The following FAM241A variants were observed in gnomAD, a reference collection of about 807,000 sequenced individuals.
The protein encoded by FAM241A is uncharacterized protein FAM241A.
FAM241A carries 7 observed loss-of-function variants against 12.2 expected under a neutral mutation model. The observed-to-expected ratio is 0.58, with a 90% CI of 0.33 to 1.08. The LOEUF is 1.08. Among genes scored for constraint, FAM241A ranks in the 50% least tolerant of loss-of-function variants. FAM241A has a pLI of 0.04. For missense variants in FAM241A, 161 were observed against 169.7 expected (o/e 0.95, Z 0.29); for synonymous variants, 74 against 68.2 (o/e 1.08, Z -0.42).
At chr4:112,158,972 C>G (rs1293762638) in intron 1 of FAM241A, among the ~76,000 whole-genome samples, 1 of 152,124 alleles carries the variant, frequency 6.6e-6, no homozygotes, top group African/African-American at 2.4e-5. Context: ...CTTTTCCCCC[C>G]ATACATACAT....
At position 112,194,396 on chromosome 4, in the gene FAM241A, G is replaced by A. The variant is rs1321562458; in HGVS notation, c.*7458G>A. 5 of 151,550 alleles carry A rather than the reference G, an allele frequency of 3.3e-5. No individual in the cohort carries two copies. The highest frequency in any genetic ancestry group is 2.1e-4 in the South Asian group (1 of 4,784). The allele number at this position is 151,550 out of a possible 1,614,324, so 9.4% of individuals were successfully genotyped here. A position where few individuals can be genotyped will look rare whatever the true frequency, so the allele number is the denominator to read the frequency against. ...ACTTCCAACACTATGTTGAATAGGA[G>A]TGGTGAGAGAGGGCATCCCTGTCTT... On this transcript the variant is annotated 3_prime_UTR_variant, in exon 2 of 2. Coordinates refer to ENST00000309733, the MANE Select transcript of FAM241A (RefSeq NM_152400.3).
chr4:112,147,486 A>G (rs1273125527), intron 1 of FAM241A, among the ~76,000 whole-genome samples: 1 of 152,220 alleles, frequency 6.6e-6, no homozygotes, highest in African/African-American at 2.4e-5. Flanking sequence ...GTAAAAAGCA[A>G]GCTTTTCTGA....
chr4:112,165,557 G>A (rs1454541464), intron 1 of FAM241A, among the ~76,000 whole-genome samples: 2 of 152,160 alleles, frequency 1.3e-5, no homozygotes, highest in Non-Finnish European at 2.9e-5. Context: ...TATACCCAAG[G>A]GAGTACTATT....
rs1403370573 is a variant in FAM241A at position 112,194,540 on chromosome 4, TGA to T, written c.*7606_*7607del. On this transcript the variant is annotated 3_prime_UTR_variant, in exon 2 of 2. Coordinates refer to ENST00000309733, the MANE Select transcript of FAM241A (RefSeq NM_152400.3). ...TACGTCCCATCAATACCTGATTTAT[TGA>T]GAGTTTTTAGCATGAAGCGTTGTTG... 6.6e-6 allele frequency: 1 copy of T among 152,066 alleles called. No homozygotes were observed. The highest frequency in any genetic ancestry group is 1.5e-5 in the Non-Finnish European group (1 of 68,030). The allele number at this position is 152,066 out of a possible 1,614,324, so 9.4% of individuals were successfully genotyped here. A position where few individuals can be genotyped will look rare whatever the true frequency, so the allele number is the denominator to read the frequency against.
chr4:112,145,853 T>C, intron 1 of FAM241A, 120 bp downstream of exon 1: 1 of 534,736 alleles, frequency 1.9e-6, no homozygotes. Flanking sequence ...GCGTGGGCAC[T>C]GGCTCCCCGG....
intron 1 of FAM241A, among the ~76,000 whole-genome samples, chr4:112,181,781 G>A (rs2110434493): frequency 6.6e-6 from 1 of 152,304 alleles, no homozygotes. Context: ...AAGACAGGAA[G>A]GCTGATGACA....
intron 1 of FAM241A, among the ~76,000 whole-genome samples, chr4:112,168,009 C>G (rs1473960801): frequency 6.6e-6 from 1 of 152,204 alleles, no homozygotes; most frequent in African/African-American, 2.4e-5. Flanking sequence ...AAGTAGGGCA[C>G]AGCACATCTT....
At position 112,194,456 on chromosome 4, in the gene FAM241A, G is replaced by A. The variant is rs1182870584; in HGVS notation, c.*7518G>A. On this transcript the variant is annotated 3_prime_UTR_variant, in exon 2 of 2. Coordinates refer to ENST00000309733, the MANE Select transcript of FAM241A (RefSeq NM_152400.3). Reference sequence around the variant, plus strand: ...TTCAAAGGGAATGCTTCCAGTTTTTGCCCATTCAGTATGATATTGGCTGTG... The same window carrying A: ...TTCAAAGGGAATGCTTCCAGTTTTTACCCATTCAGTATGATATTGGCTGTG... The A allele has an allele frequency of 8.0e-5, 12 of 150,922 alleles. No homozygotes were observed. The highest frequency in any genetic ancestry group is 2.9e-4 in the African/African-American group (12 of 41,274). The allele number at this position is 150,922 out of a possible 1,614,324, so 9.3% of individuals were successfully genotyped here. A position where few individuals can be genotyped will look rare whatever the true frequency, so the allele number is the denominator to read the frequency against.
chr4:112,150,398 A>T (rs955166362), intron 1 of FAM241A, among the ~76,000 whole-genome samples: 1 of 152,190 alleles, frequency 6.6e-6, no homozygotes, highest in Non-Finnish European at 1.5e-5. Context: ...AATAAATACT[A>T]GTAGCTCTTA....
intron 1 of FAM241A, among the ~76,000 whole-genome samples, chr4:112,174,710 G>GT (rs1723785786): frequency 6.6e-6 from 1 of 152,204 alleles, no homozygotes; most frequent in Non-Finnish European, 1.5e-5. Context: ...CAGGGCTCAT[G>GT]TGCTAGGCTG....
At chr4:112,162,510 C>T (rs1223144344) in intron 1 of FAM241A, among the ~76,000 whole-genome samples, 1 of 152,144 alleles carries the variant, frequency 6.6e-6, no homozygotes, top group East Asian at 1.9e-4. Flanking sequence ...TTCCTCCACA[C>T]CAATAACAGA....
chr4:112,173,609 CT>C (rs1199382128), intron 1 of FAM241A, among the ~76,000 whole-genome samples: 2 of 152,056 alleles, frequency 1.3e-5, no homozygotes, highest in Admixed American at 6.6e-5. Context: ...TATTTAAAGC[CT>C]TTTTTTAATG....
chr4:112,154,826 A>G (rs1391001897), intron 1 of FAM241A, among the ~76,000 whole-genome samples: 1 of 152,006 alleles, frequency 6.6e-6, no homozygotes, highest in Non-Finnish European at 1.5e-5. Context: ...TGAGGCCAGG[A>G]GTTCGAGACC....
chr4:112,182,879 T>A (rs1278853109), intron 1 of FAM241A, among the ~76,000 whole-genome samples: 2 of 152,196 alleles, frequency 1.3e-5, no homozygotes, highest in Non-Finnish European at 2.9e-5. Context: ...GAGGATATCC[T>A]AGATACATAA....
chr4:112,161,130 C>T (rs1191339360), intron 1 of FAM241A, among the ~76,000 whole-genome samples: 1 of 152,122 alleles, frequency 6.6e-6, no homozygotes, highest in Non-Finnish European at 1.5e-5. Flanking sequence ...AAAGAAACAA[C>T]ATAACAGAAT....
rs1355522245 is a variant in FAM241A, at chr4:112,193,637, T to C, written c.*6699T>C. ...CCCCATTGCTTGTTTTTCTCAGGTT[T>C]GTCAAAGATCAGATAGCTGTAGACA... On this transcript the variant is annotated 3_prime_UTR_variant, in exon 2 of 2. Transcript: ENST00000309733. 6.6e-6 allele frequency: 1 copy of C among 152,270 alleles called. No homozygotes were observed. The highest frequency in any genetic ancestry group is 1.5e-5 in the Non-Finnish European group (1 of 68,058). 9.4% of individuals were successfully genotyped at this position (152,270 alleles called of 1,614,324 possible).
intron 1 of FAM241A, among the ~76,000 whole-genome samples, chr4:112,166,355 T>C (rs1723596208): frequency 6.6e-6 from 1 of 152,064 alleles, no homozygotes; most frequent in African/African-American, 2.4e-5. Context: ...TTTTTTTAAA[T>C]GTTTTTTAAA....
chr4:112,176,415 A>G (rs1723822063), intron 1 of FAM241A, among the ~76,000 whole-genome samples: 2 of 152,216 alleles, frequency 1.3e-5, no homozygotes, highest in African/African-American at 2.4e-5. Flanking sequence ...TACACATTTT[A>G]TGGGTGAAGA....
At chr4:112,176,743 A>G (rs1435493932) in intron 1 of FAM241A, among the ~76,000 whole-genome samples, 1 of 152,212 alleles carries the variant, frequency 6.6e-6, no homozygotes, top group East Asian at 1.9e-4. Context: ...TCATGGACCA[A>G]AAAAAGAGTA....
Sources: allele counts gnomAD v4.1 joint callset (sites outside exome capture counted in the v4.1 genomes callset), GRCh38; gene constraint gnomAD v4.1.1; transcripts MANE v1.5; gene names NCBI Gene and HGNC (gene_info 2026-07-23, HGNC 2026-07-21).